The following TNR variants were observed in gnomAD, a reference collection of about 807,000 sequenced individuals.
TNR encodes the protein tenascin-R.
Under a neutral mutation model 150.4 loss-of-function variants are expected in TNR, and 45 were observed. The ratio of observed to expected loss-of-function variants is 0.30; its 90% CI spans 0.24 to 0.38. The LOEUF (loss-of-function observed/expected upper bound fraction) is 0.38. Ranked by LOEUF, TNR falls within the 10% of genes least tolerant of loss-of-function variation. The pLI is 1.00. For synonymous variants in TNR, 687 were observed against 678.4 expected (o/e 1.01, Z -0.20); for missense variants, 1,544 against 1,759.1 (o/e 0.88, Z 2.19).
intron 2 of TNR, among the ~76,000 whole-genome samples, chr1:175,432,561 ACTTT>A (rs558717986): frequency 6.6e-6 from 1 of 151,558 alleles, no homozygotes; most frequent in African/African-American, 2.4e-5. Flanking sequence ...TTCCTACACG[ACTTT>A]CTTTCTTACT....
At chr1:175,591,972 C>G (rs1164879404) in intron 1 of TNR, among the ~76,000 whole-genome samples, 5 of 152,172 alleles carry the variant, frequency 3.3e-5, no homozygotes, top group African/African-American at 1.2e-4. Context: ...CCAAGATAAA[C>G]AGAGACTCCT....
intron 2 of TNR, among the ~76,000 whole-genome samples, chr1:175,445,269 CA>C (rs973974576): frequency 6.6e-6 from 1 of 151,318 alleles, no homozygotes; most frequent in African/African-American, 2.4e-5. Context: ...GACTCCGTCT[CA>C]AAAAAATAAA....
intron 2 of TNR, among the ~76,000 whole-genome samples, chr1:175,470,399 TC>T (rs1465664255): frequency 2.0e-5 from 3 of 152,042 alleles, no homozygotes; most frequent in African/African-American, 7.2e-5. Flanking sequence ...CGAAAGAGAA[TC>T]CACCCAAAGG....
rs565697406 is a variant in TNR, at chr1:175,344,968, C to T, written c.3383-7289G>A. Among the ~76,000 whole-genome samples, 82 of 152,068 alleles carry T rather than the reference C, an allele frequency of 5.4e-4. 1 individual carries two copies. Among genetic ancestry groups the T allele is most frequent in the South Asian group, 3.5e-3 (17 of 4,818 alleles). On this transcript the variant is annotated intron_variant, in intron 18 of 22. Coordinates refer to ENST00000367674, the MANE Select transcript of TNR (RefSeq NM_003285.3). Reference sequence around the variant, plus strand: ...CTAAAAATACAAAAAGTTAGCTGGGCGTAGTGGCGGGTGCCTGTAATCCCA... The same window carrying T: ...CTAAAAATACAAAAAGTTAGCTGGGTGTAGTGGCGGGTGCCTGTAATCCCA...
chr1:175,486,417 T>C (rs1287573797), intron 2 of TNR, among the ~76,000 whole-genome samples: 1 of 152,146 alleles, frequency 6.6e-6, no homozygotes, highest in Non-Finnish European at 1.5e-5. Flanking sequence ...AGAATGATGG[T>C]TTCCAGCTTC....
intron 1 of TNR, among the ~76,000 whole-genome samples, chr1:175,585,151 A>C (rs533308740): frequency 3.3e-5 from 5 of 152,246 alleles, no homozygotes; most frequent in Non-Finnish European, 5.9e-5. Context: ...CTGGGCACAA[A>C]AACTGATAAA....
intron 1 of TNR, among the ~76,000 whole-genome samples, chr1:175,574,770 A>G (rs1030258771): frequency 6.6e-6 from 1 of 152,354 alleles, no homozygotes; most frequent in Non-Finnish European, 1.5e-5. Context: ...CAGTGAAGGC[A>G]TGCTGCTTCC....
chr1:175,417,124 G>C (rs1654532090), intron 2 of TNR, among the ~76,000 whole-genome samples: 6 of 151,556 alleles, frequency 4.0e-5, no homozygotes, highest in Non-Finnish European at 1.5e-5. Flanking sequence ...ATCTAGTTGA[G>C]AAGACTAGGC....
At chr1:175,517,296 T>C (rs996875890) in intron 2 of TNR, among the ~76,000 whole-genome samples, 1 of 152,196 alleles carries the variant, frequency 6.6e-6, no homozygotes, top group East Asian at 1.9e-4. Flanking sequence ...CATAGTGGTA[T>C]TCTAGGAGTT....
At chr1:175,671,110 C>G (rs1011496110) in intron 1 of TNR, among the ~76,000 whole-genome samples, 2 of 151,984 alleles carry the variant, frequency 1.3e-5, no homozygotes, top group Non-Finnish European at 2.9e-5. Context: ...TACTGAACAC[C>G]CGTAGGGGTA....
At chr1:175,593,384 T>A (rs1662879624) in intron 1 of TNR, among the ~76,000 whole-genome samples, 1 of 151,784 alleles carries the variant, frequency 6.6e-6, no homozygotes, top group African/African-American at 2.4e-5. Context: ...TCAAAGAGAG[T>A]GTAGATCAAT....
intron 2 of TNR, among the ~76,000 whole-genome samples, chr1:175,419,910 G>A (rs764385522): frequency 1.3e-5 from 2 of 151,944 alleles, no homozygotes; most frequent in African/African-American, 2.4e-5. Flanking sequence ...TTAATTTGCC[G>A]CTCCAGAGCT....
chr1:175,502,716 T>C (rs1258403500), intron 2 of TNR, among the ~76,000 whole-genome samples: 5 of 152,138 alleles, frequency 3.3e-5, no homozygotes, highest in Non-Finnish European at 7.3e-5. Flanking sequence ...ACAATAAAGA[T>C]GCAGTGGCGA....
chr1:175,480,222 G>A (rs1214158815), intron 2 of TNR, among the ~76,000 whole-genome samples: 3 of 151,780 alleles, frequency 2.0e-5, no homozygotes, highest in Non-Finnish European at 2.9e-5. Flanking sequence ...CAGGACAGCT[G>A]CATAAAGTTG....
chr1:175,531,283 C>A (rs558862835), intron 1 of TNR, among the ~76,000 whole-genome samples: 1 of 152,170 alleles, frequency 6.6e-6, no homozygotes, highest in Non-Finnish European at 1.5e-5. Flanking sequence ...GATATAAACA[C>A]GCATTACCTC....
intron 2 of TNR, among the ~76,000 whole-genome samples, chr1:175,518,537 C>T (rs905805152): frequency 1.3e-5 from 2 of 152,168 alleles, no homozygotes; most frequent in Admixed American, 6.6e-5. Flanking sequence ...GTAATGAGAA[C>T]TTTGGGTGCA....
In TNR at chr1:175,406,342, A is replaced by G. The variant is rs745694135; in HGVS notation, c.373T>C (p.Cys125Arg). ...THRINFPKKA[C>R]PCASSAQVLQ... ...ACCTGGGCTGAACTGGCACATGGACAGGCCTTTTTGGGGAAGTTGATCCTG... is the reference window on the plus strand; with the variant it reads ...ACCTGGGCTGAACTGGCACATGGACGGGCCTTTTTGGGGAAGTTGATCCTG... Residue 125 changes from cysteine (C) to arginine (R), a missense_variant, in exon 3 of 23, where the codon TGT becomes CGT. Physicochemically the swap from Cys to Arg is radical, Grantham distance 180. Transcript: ENST00000367674. 7 of 1,614,108 alleles carry G rather than the reference A, an allele frequency of 4.3e-6. No homozygotes were observed. The highest frequency in any genetic ancestry group is 5.9e-6 in the Non-Finnish European group (7 of 1,180,004).
intron 1 of TNR, among the ~76,000 whole-genome samples, chr1:175,535,855 T>G (rs1419861164): frequency 6.6e-6 from 1 of 152,172 alleles, no homozygotes; most frequent in Non-Finnish European, 1.5e-5. Flanking sequence ...AAAAACTGCA[T>G]CTTTAATTTC....
Position 175,379,600 on chromosome 1 carries a change from C to G in TNR, c.1915G>C (p.Val639Leu), listed in dbSNP as rs752385367. The change falls in exon 9 of 23, where the codon GTA (valine) becomes CTA (leucine). Residue 639 changes from valine to leucine, a missense_variant. Physicochemically the swap from Val to Leu is conservative, Grantham distance 32 (BLOSUM62 1). This residue lies in a region of TNR where 1,254 missense variants were observed against 1,329.4 expected (regional missense o/e 0.94). Coordinates refer to ENST00000367674, the MANE Select transcript of TNR (RefSeq NM_003285.3). The part of the protein sequence containing the change: ...STLAGEQYHE[V>L]LVPRGIGPTT... ...GGACCAATGCCCCTGGGGACCAGTA[C>G]CTCATGATATTGCTCACCCGCCAGG... 6 of 1,614,032 alleles carry G rather than the reference C, an allele frequency of 3.7e-6. No individual in the cohort carries two copies. The highest frequency in any genetic ancestry group is 1.1e-5 in the South Asian group (1 of 91,076).
Sources: gnomAD v4.1 joint callset for allele counts (sites outside exome capture counted in the v4.1 genomes callset) on GRCh38, gnomAD v4.1.1 for gene constraint, gnomAD v4.1.1 regional missense constraint, MANE v1.5 for transcripts, NCBI Gene and HGNC (gene_info 2026-07-23, HGNC 2026-07-21) for gene names.